OXSR1: variants seen among roughly 807,000 people sequenced by gnomAD.
OXSR1 encodes serine/threonine-protein kinase OSR1.
In OXSR1, 24 loss-of-function variants were observed where a neutral mutation model predicts 79.8. The ratio of observed to expected loss-of-function variants is 0.30; its 90% CI spans 0.22 to 0.42. OXSR1 has a LOEUF of 0.42. Ranked by LOEUF, OXSR1 falls within the 10% of genes least tolerant of loss-of-function variation. OXSR1 has a pLI of 1.00. For synonymous variants in OXSR1, 226 were observed against 209.2 expected (o/e 1.08, Z -0.69); for missense variants, 430 against 618.4 (o/e 0.70, Z 3.23).
rs566170595 is a variant in OXSR1 at position 38,175,731 on chromosome 3, AAGG to A, written c.71-7269_71-7267del. 1.3e-3 allele frequency among the ~76,000 whole-genome samples: 192 copies of A among 152,322 alleles called. 1 individual carries two copies. The highest frequency in any genetic ancestry group is 9.9e-3 in the Admixed American group (151 of 15,300). On this transcript the variant is annotated intron_variant, in intron 1 of 17. Transcript: ENST00000311806. ...TAGAGTTACCCAGTTTGAAAGATTTAAGGAGAAGTTTCATCCATATTTTCTGCA... is the reference window on the plus strand; with the variant it reads ...TAGAGTTACCCAGTTTGAAAGATTTAAGAAGTTTCATCCATATTTTCTGCA...
At chr3:38,247,551 C>T (rs1453957966) in intron 13 of OXSR1, 117 bp from the exon 14 acceptor site, 1 of 693,404 alleles carries the variant, frequency 1.4e-6, no homozygotes, top group Non-Finnish European at 2.6e-6. Context: ...TTAGTATGAC[C>T]TCAGCTGGAG....
At chr3:38,224,520 T>TC (rs1487157643) in intron 7 of OXSR1, 51 bp from the exon 8 acceptor site, 90 of 1,477,926 alleles carry the variant, frequency 6.1e-5, no homozygotes, top group Non-Finnish European at 7.9e-5. Context: ...CCACAATAGT[T>TC]AAACTTTACT....
In OXSR1 at chr3:38,198,563, A is replaced by G. The variant is rs556547763; in HGVS notation, c.293-159A>G. On this transcript the variant is annotated intron_variant, in intron 3 of 17. Coordinates refer to ENST00000311806, the MANE Select transcript of OXSR1 (RefSeq NM_005109.3). ...TTTAGATTGGAATTGAAAATAAGTT[A>G]TTAATTTTAAACTTCTGTATTTCCT... is the stretch of plus-strand genomic sequence containing the variant. Among the ~76,000 whole-genome samples the G allele has an allele frequency of 1.1e-4, 17 of 152,322 alleles. No homozygotes were observed. In the South Asian group the frequency reaches 3.5e-3, roughly 32 times the overall value.
At chr3:38,205,738 T>A (rs978246827) in intron 4 of OXSR1, among the ~76,000 whole-genome samples, 38 of 152,328 alleles carry the variant, frequency 2.5e-4, no homozygotes, top group Middle Eastern at 3.4e-3. Context: ...GTGGTCTGTC[T>A]GCCTTAGAAC....
chr3:38,220,184 G>T (rs1702561694), intron 5 of OXSR1, among the ~76,000 whole-genome samples: 1 of 151,840 alleles, frequency 6.6e-6, no homozygotes, highest in South Asian at 2.1e-4. Flanking sequence ...GTACTATATA[G>T]ACTTGCTATT....
At chr3:38,242,867 A>T (rs1703063341) in intron 12 of OXSR1, 89 bp downstream of exon 12, 2 of 731,168 alleles carry the variant, frequency 2.7e-6, no homozygotes, top group South Asian at 3.6e-5. Context: ...GTGCATATGT[A>T]TGCTTAAATG....
Position 38,183,065 on chromosome 3 carries a change from A to G in OXSR1, c.133A>G (p.Ile45Val). The G allele has an allele frequency of 1.2e-6, 2 of 1,613,184 alleles. No homozygotes were observed. Among genetic ancestry groups the G allele is most frequent in the Non-Finnish European group, 1.7e-6 (2 of 1,179,548 alleles). ...TGCCCCTAAAAAGGAGAAAGTGGCA[A>G]TCAAACGGATAAACCTTGAGAAATG... The part of the protein sequence containing the change: ...YCAPKKEKVA[I>V]KRINLEKCQT... The change falls in exon 2 of 18, where the codon ATC (isoleucine) becomes GTC (valine). Residue 45 changes from isoleucine (I) to valine (V), a missense_variant. Ile to Val is a conservative substitution (Grantham distance 29). This residue lies in a region of OXSR1 where 145 missense variants were observed against 228.3 expected (regional missense o/e 0.64). Coordinates refer to ENST00000311806, the MANE Select transcript of OXSR1 (RefSeq NM_005109.3).
chr3:38,215,333 C>G (rs1162711019), intron 4 of OXSR1, among the ~76,000 whole-genome samples: 28 of 152,174 alleles, frequency 1.8e-4, no homozygotes, highest in Admixed American at 1.8e-3. Flanking sequence ...GTAGAACCCC[C>G]TTGTACTTTC....
intron 3 of OXSR1, among the ~76,000 whole-genome samples, chr3:38,192,466 A>C (rs911967633): frequency 1.3e-5 from 2 of 152,186 alleles, no homozygotes; most frequent in Non-Finnish European, 1.5e-5. Flanking sequence ...AAATATATTA[A>C]AAATAAAATT....
intron 5 of OXSR1, among the ~76,000 whole-genome samples, chr3:38,219,236 G>A (rs768174283): frequency 1.5e-3 from 221 of 152,150 alleles, no homozygotes; most frequent in Non-Finnish European, 2.5e-3. Context: ...AACAAGCAGA[G>A]GTATACCAGC....
At chr3:38,215,130 G>A (rs1374559562) in intron 4 of OXSR1, among the ~76,000 whole-genome samples, 1 of 152,150 alleles carries the variant, frequency 6.6e-6, no homozygotes, top group African/African-American at 2.4e-5. Flanking sequence ...AAAGGGGTGT[G>A]TTTGTGCAAC....
chr3:38,232,689 G>A (rs1459104932), intron 10 of OXSR1, among the ~76,000 whole-genome samples: 1 of 152,140 alleles, frequency 6.6e-6, no homozygotes, highest in African/African-American at 2.4e-5. Flanking sequence ...GAGCCTGCAG[G>A]GCAGAGGTTG....
At chr3:38,207,754 G>A in intron 4 of OXSR1, among the ~76,000 whole-genome samples, 1 of 152,160 alleles carries the variant, frequency 6.6e-6, no homozygotes, top group Non-Finnish European at 1.5e-5. Context: ...ACAGTGGCTA[G>A]AACTTTAGTC....
rs779069270 is a variant in OXSR1 at position 38,253,103 on chromosome 3, C to T, written c.*212C>T. 8 of 563,046 alleles carry T rather than the reference C, an allele frequency of 1.4e-5. No individual in the cohort carries two copies. Among genetic ancestry groups the T allele is most frequent in the African/African-American group, 3.8e-5 (2 of 52,500 alleles). 34.9% of individuals were successfully genotyped at this position (563,046 alleles called of 1,614,324 possible). On this transcript the variant is annotated 3_prime_UTR_variant, in exon 18 of 18. Transcript: ENST00000311806. ...CTAGTGGCCAGCATCCCCAGAGTTC[C>T]GTTAGTAAACTTACTTCATATGTCC...
In OXSR1 at chr3:38,254,317, A is replaced by T. The variant is rs984821485; in HGVS notation, c.*1426A>T. The T allele has an allele frequency of 5.0e-6, 2 of 398,266 alleles. No homozygotes were observed. The highest frequency in any genetic ancestry group is 8.9e-6 in the Non-Finnish European group (2 of 225,708). The allele number at this position is 398,266 out of a possible 1,614,324, so 24.7% of individuals were successfully genotyped here. On this transcript the variant is annotated 3_prime_UTR_variant, in exon 18 of 18. Coordinates refer to ENST00000311806, the MANE Select transcript of OXSR1 (RefSeq NM_005109.3). ...GAACATATCTGAAAACCTTCCCCAC[A>T]AATAACTTGTCACACCTTTTGTTTC...
At chr3:38,243,352 A>C (rs1703074179) in intron 12 of OXSR1, among the ~76,000 whole-genome samples, 1 of 152,116 alleles carries the variant, frequency 6.6e-6, no homozygotes, top group Non-Finnish European at 1.5e-5. Context: ...TTTTGCATTA[A>C]TTTGTTTGCG....
In OXSR1 at chr3:38,254,530, C is replaced by A. The variant is rs1040852260; in HGVS notation, c.*1639C>A. The A allele has an allele frequency of 2.9e-6, 1 of 341,760 alleles. No homozygotes were observed. The highest frequency in any genetic ancestry group is 5.3e-6 in the Non-Finnish European group (1 of 190,250). The allele number at this position is 341,760 out of a possible 1,614,324, so 21.2% of individuals were successfully genotyped here. A position where few individuals can be genotyped will look rare whatever the true frequency, so the allele number is the denominator to read the frequency against. ...CAGCAGTCTTGGTAAAAGGAGGGAG[C>A]CTGCTGAGCCAGGAGGGAGAAAAGA... On this transcript the variant is annotated 3_prime_UTR_variant, in exon 18 of 18. Coordinates refer to ENST00000311806, the MANE Select transcript of OXSR1 (RefSeq NM_005109.3).
chr3:38,204,624 A>G (rs1451902899), intron 4 of OXSR1, among the ~76,000 whole-genome samples: 3 of 151,856 alleles, frequency 2.0e-5, no homozygotes, highest in Non-Finnish European at 4.4e-5. Context: ...GTGTCTAGAA[A>G]TGTCATCTAG....
At chr3:38,250,098 TGTG>T in intron 15 of OXSR1, 80 bp downstream of exon 15, 1 of 1,006,102 alleles carries the variant, frequency 9.9e-7, no homozygotes, top group Non-Finnish European at 1.5e-6. Context: ...TTCTGTCCTT[TGTG>T]AAGTTTTGCT....
Sources: gnomAD v4.1 joint callset for allele counts (sites outside exome capture counted in the v4.1 genomes callset) on GRCh38, gnomAD v4.1.1 for gene constraint, gnomAD v4.1.1 regional missense constraint, MANE v1.5 for transcripts, NCBI Gene and HGNC (gene_info 2026-07-23, HGNC 2026-07-21) for gene names.